Variants in TMCC1 observed in about 807,000 individuals in gnomAD.
TMCC1 encodes transmembrane and coiled-coil domain family 1.
In TMCC1, 15 loss-of-function variants were observed where a neutral mutation model predicts 52.4. That is an observed-to-expected ratio of 0.29 (90% CI 0.19 to 0.44). TMCC1 has a LOEUF of 0.44. Among genes scored for constraint, TMCC1 ranks in the 20% least tolerant of loss-of-function variants. The pLI is 1.00. For missense variants in TMCC1, 503 were observed against 806.0 expected (o/e 0.62, Z 4.55); for synonymous variants, 279 against 301.9 (o/e 0.92, Z 0.79).
intron 4 of TMCC1, among the ~76,000 whole-genome samples, chr3:129,742,320 T>C (rs1339468176): frequency 6.6e-6 from 1 of 152,156 alleles, no homozygotes; most frequent in East Asian, 1.9e-4. Flanking sequence ...TTGCAAATCA[T>C]ACATCTGATA....
At position 129,670,518 on chromosome 3, in the gene TMCC1, A is replaced by G. The variant is rs1249681979; in HGVS notation, c.1323T>C (p.Ala441=). 6.2e-7 allele frequency: 1 copy of G among 1,614,202 alleles called. No homozygotes were observed. The highest frequency in any genetic ancestry group is 8.5e-7 in the Non-Finnish European group (1 of 1,180,024). Residue 441 remains alanine, a synonymous_variant, in exon 5 of 7, where the codon GCT becomes GCC. Transcript: ENST00000393238. ...TTGTTTTGGAGCTGGATGCTCCTAC[A>G]GCGATGCCCCCTGTGGTGCTGTTGG... ...VGANSTTGGI[A]VGASSSKTNT...
chr3:129,813,943 T>C (rs1217300694), intron 4 of TMCC1, among the ~76,000 whole-genome samples: 1 of 152,044 alleles, frequency 6.6e-6, no homozygotes, highest in African/African-American at 2.4e-5. Flanking sequence ...AACACTTTAA[T>C]TGTTCATCCA....
chr3:129,679,078 T>A (rs1175078680), intron 4 of TMCC1, among the ~76,000 whole-genome samples: 1 of 152,178 alleles, frequency 6.6e-6, no homozygotes, highest in Non-Finnish European at 1.5e-5. Flanking sequence ...CGTGACTTCA[T>A]CTCTTACTAG....
At chr3:129,864,343 T>C (rs561269111) in intron 2 of TMCC1, among the ~76,000 whole-genome samples, 7 of 152,232 alleles carry the variant, frequency 4.6e-5, no homozygotes, top group Non-Finnish European at 1.0e-4. Flanking sequence ...TAGCCTTCTA[T>C]TCACCACACC....
chr3:129,745,235 C>G lies in TMCC1; in HGVS notation c.577-73971G>C, dbSNP rs182250889. Among the ~76,000 whole-genome samples, 472 of 152,306 alleles carry G rather than the reference C, an allele frequency of 3.1e-3. 4 individuals carry two copies. The highest frequency in any genetic ancestry group is 5.4e-3 in the Non-Finnish European group (367 of 68,022). Reference sequence around the variant, plus strand: ...AAACTTCGTTACAATTTTAAACATGCACTCACACTTCTTGAAATTCACTCT... The same window carrying G: ...AAACTTCGTTACAATTTTAAACATGGACTCACACTTCTTGAAATTCACTCT... On this transcript the variant is annotated intron_variant, in intron 4 of 6. Coordinates refer to ENST00000393238, the MANE Select transcript of TMCC1 (RefSeq NM_001017395.5).
intron 4 of TMCC1, among the ~76,000 whole-genome samples, chr3:129,718,206 A>T (rs2049256966): frequency 6.6e-6 from 1 of 152,228 alleles, no homozygotes; most frequent in Admixed American, 6.5e-5. Context: ...ACAAACACTT[A>T]CATGGTGCCA....
chr3:129,741,943 G>C, intron 4 of TMCC1, among the ~76,000 whole-genome samples: 1 of 152,020 alleles, frequency 6.6e-6, no homozygotes, highest in East Asian at 1.9e-4. Flanking sequence ...CTAGAAACCA[G>C]ACTGGAATGC....
intron 4 of TMCC1, among the ~76,000 whole-genome samples, chr3:129,692,359 A>G (rs1262500259): frequency 6.6e-6 from 1 of 152,232 alleles, no homozygotes; most frequent in Non-Finnish European, 1.5e-5. Flanking sequence ...TTTAAAAATC[A>G]CAGACTAATG....
chr3:129,850,458 T>C (rs539359236), intron 2 of TMCC1, among the ~76,000 whole-genome samples: 3 of 152,334 alleles, frequency 2.0e-5, no homozygotes, highest in Non-Finnish European at 4.4e-5. Context: ...TATTAGAATT[T>C]GCTGCTGAGA....
chr3:129,779,836 C>T (rs990855416), intron 4 of TMCC1, among the ~76,000 whole-genome samples: 4 of 152,174 alleles, frequency 2.6e-5, no homozygotes, highest in African/African-American at 9.7e-5. Context: ...TCTGGCTTCA[C>T]TACTGCTATA....
At chr3:129,693,890 A>G (rs1438021402) in intron 4 of TMCC1, among the ~76,000 whole-genome samples, 1 of 152,156 alleles carries the variant, frequency 6.6e-6, no homozygotes, top group South Asian at 2.1e-4. Flanking sequence ...CCTTTTTATC[A>G]AGATATAATT....
In TMCC1 at chr3:129,737,335, G is replaced by A. The variant is rs185873883; in HGVS notation, c.577-66071C>T. On this transcript the variant is annotated intron_variant, in intron 4 of 6. Transcript: ENST00000393238. ...CTCTACGAAAAAAATACAAAGATTA[G>A]CTGGGCGTGGTGGCACACACCTGTA... Among the ~76,000 whole-genome samples, 80 of 152,248 alleles carry A rather than the reference G, an allele frequency of 5.3e-4. No individual in the cohort carries two copies. The South Asian group carries it at 0.013, about 25-fold the overall frequency.
In TMCC1 at chr3:129,725,624, A is replaced by G. The variant is rs1444693075; in HGVS notation, c.577-54360T>C. The stretch of plus-strand genomic sequence containing the variant: ...GGATAGGCAAGTTTCCTGTATTAAT[A>G]AACTTTTCTTTAGGTCATTTTATAA... On this transcript the variant is annotated intron_variant, in intron 4 of 6. Coordinates refer to ENST00000393238, the MANE Select transcript of TMCC1 (RefSeq NM_001017395.5). 6.6e-5 allele frequency among the ~76,000 whole-genome samples: 10 copies of G among 152,260 alleles called. 1 individual carries two copies. The highest frequency in any genetic ancestry group is 3.3e-4 in the Admixed American group (5 of 15,296).
chr3:129,687,882 A>G (rs1344726614), intron 4 of TMCC1, among the ~76,000 whole-genome samples: 1 of 152,252 alleles, frequency 6.6e-6, no homozygotes. Flanking sequence ...AGCAGGGAAA[A>G]AAAAGCATAA....
intron 4 of TMCC1, among the ~76,000 whole-genome samples, chr3:129,764,940 C>T (rs1322113862): frequency 1.3e-5 from 2 of 149,214 alleles, no homozygotes; most frequent in African/African-American, 2.5e-5. Context: ...TAGCTGGGAC[C>T]ACAGGCACAC....
intron 2 of TMCC1, chr3:129,861,083 G>A (rs2060369403): frequency 6.6e-6 from 1 of 152,162 alleles, no homozygotes; most frequent in South Asian, 2.1e-4. Context: ...TATTCCTTTG[G>A]TGCTCTGAGA....
At chr3:129,663,398 C>T (rs1454958952) in intron 5 of TMCC1, among the ~76,000 whole-genome samples, 3 of 152,190 alleles carry the variant, frequency 2.0e-5, no homozygotes, top group Admixed American at 6.5e-5. Flanking sequence ...TTCCCAAATG[C>T]ATACCAGAGA....
At chr3:129,784,694 C>T (rs1378786367) in intron 4 of TMCC1, among the ~76,000 whole-genome samples, 1 of 151,890 alleles carries the variant, frequency 6.6e-6, no homozygotes, top group Admixed American at 6.6e-5. Context: ...GTCAGCTAGA[C>T]ACGGTGGTTC....
At chr3:129,701,735 T>C (rs2047851299) in intron 4 of TMCC1, among the ~76,000 whole-genome samples, 1 of 152,162 alleles carries the variant, frequency 6.6e-6, no homozygotes, top group Admixed American at 6.6e-5. Flanking sequence ...AAAGACTGCT[T>C]ATTTAGGTAC....
Sources: allele counts gnomAD v4.1 joint callset (sites outside exome capture counted in the v4.1 genomes callset), GRCh38; gene constraint gnomAD v4.1.1; transcripts MANE v1.5; gene names NCBI Gene and HGNC (gene_info 2026-07-23, HGNC 2026-07-21).